Variants in ARHGEF10L observed in about 807,000 individuals in gnomAD.
ARHGEF10L encodes Rho guanine nucleotide exchange factor 10 like.
ARHGEF10L carries 69 observed loss-of-function variants against 141.2 expected under a neutral mutation model. The ratio of observed to expected loss-of-function variants is 0.49; its 90% CI spans 0.40 to 0.60. ARHGEF10L has a LOEUF of 0.60. ARHGEF10L is among the 20% of genes least tolerant of loss of function. The pLI is 0.00. For synonymous variants in ARHGEF10L, 711 were observed against 718.5 expected, an observed-to-expected ratio of 0.99 and a Z score of 0.17; for missense variants, 1,482 against 1,734.3, an observed-to-expected ratio of 0.85 and a Z score of 2.58.
At chr1:17,662,949 C>G (rs1342039540) in intron 25 of ARHGEF10L, among the ~76,000 whole-genome samples, 2 of 152,096 alleles carry the variant, frequency 1.3e-5, no homozygotes, top group Non-Finnish European at 2.9e-5. Flanking sequence ...CCTTCTAGTC[C>G]CCCGCCACTG....
At position 17,615,895 on chromosome 1, in the gene ARHGEF10L, C is replaced by A. The variant is rs2059778107; in HGVS notation, c.727-199C>A. 1.8e-6 allele frequency: 1 copy of A among 566,592 alleles called. No homozygotes were observed. The highest frequency in any genetic ancestry group is 3.2e-6 in the Non-Finnish European group (1 of 308,292). The allele number at this position is 566,592 out of a possible 1,614,324, so 35.1% of individuals were successfully genotyped here. ...AAAAATCGGTTACAGCCTCCTGTTG[C>A]CCCTAAAGAGGGAGATCCCCGGGCA... On this transcript the variant is annotated intron_variant, in intron 8 of 28. Transcript: ENST00000361221. This position sits in a 1 kb window ranked among gnomAD's most constrained non-coding sequence, Gnocchi z 4.7.
In ARHGEF10L at chr1:17,603,652, G is replaced by A; in HGVS notation, c.433+61G>A. On this transcript the variant is annotated intron_variant, in intron 6 of 28. Transcript: ENST00000361221. This position sits in a 1 kb window ranked among gnomAD's most constrained non-coding sequence, Gnocchi z 4.8. Reference sequence around the variant, plus strand: ...GGACAGGGGAGGGAGGCTGGGACTGGGGAGGGTTGTCTCTTTCCGTTTCCT... The same window carrying A: ...GGACAGGGGAGGGAGGCTGGGACTGAGGAGGGTTGTCTCTTTCCGTTTCCT... 1 of 1,453,162 alleles carries A rather than the reference G, an allele frequency of 6.9e-7. No individual in the cohort carries two copies. The highest frequency in any genetic ancestry group is 9.3e-7 in the Non-Finnish European group (1 of 1,070,510). The allele number at this position is 1,453,162 out of a possible 1,614,324, so 90.0% of individuals were successfully genotyped here.
At chr1:17,580,782 C>T (rs1027055791) in intron 2 of ARHGEF10L, 150 bp downstream of exon 2, 14 of 881,784 alleles carry the variant, frequency 1.6e-5, no homozygotes, top group Non-Finnish European at 2.2e-5. Context: ...CATCCTCTAT[C>T]TCACGTTCCT....
In ARHGEF10L at chr1:17,695,287, C is replaced by G; in HGVS notation, c.3307+7C>G. 1.3e-6 allele frequency: 2 copies of G among 1,568,278 alleles called. No individual in the cohort carries two copies. The highest frequency in any genetic ancestry group is 1.7e-6 in the Non-Finnish European group (2 of 1,159,578). ...GGCATCCCCAAGATCACAGGTGAGGCTTTGGGAGCTGGTGTTGGCAGGACC... is the reference window on the plus strand; with the variant it reads ...GGCATCCCCAAGATCACAGGTGAGGGTTTGGGAGCTGGTGTTGGCAGGACC... On this transcript the variant is annotated splice_region_variant and intron_variant, in intron 28 of 28. Transcript: ENST00000361221.
chr1:17,515,512 C>A, the ARHGEF10L span, among the ~76,000 whole-genome samples: 1 of 151,640 alleles, frequency 6.6e-6, no homozygotes, highest in Non-Finnish European at 1.5e-5. Context: ...GTTGGCCAGG[C>A]TGGTCTTGAA....
At chr1:17,664,362 C>G in intron 25 of ARHGEF10L, 85 bp from the exon 26 acceptor site, 1 of 1,464,794 alleles carries the variant, frequency 6.8e-7, no homozygotes, top group East Asian at 2.4e-5. Context: ...GGGGGCCCTG[C>G]TGAGCCCCCT....
At chr1:17,590,882 G>T (rs759380152) in intron 4 of ARHGEF10L, among the ~76,000 whole-genome samples, 4 of 152,216 alleles carry the variant, frequency 2.6e-5, no homozygotes, top group Non-Finnish European at 4.4e-5. Context: ...AGCTACTGGG[G>T]AGGCTGAGGC....
chr1:17,657,703 G>A (rs1040700827), intron 25 of ARHGEF10L, among the ~76,000 whole-genome samples: 2 of 152,190 alleles, frequency 1.3e-5, no homozygotes, highest in African/African-American at 4.8e-5. Flanking sequence ...GGGGAAGAGG[G>A]AGGGAAAAAA....
chr1:17,617,862 G>T (rs1033658526), intron 9 of ARHGEF10L, among the ~76,000 whole-genome samples: 1 of 152,200 alleles, frequency 6.6e-6, no homozygotes, highest in Non-Finnish European at 1.5e-5. Context: ...AAGTGGAGGC[G>T]TTTGGTGCCA....
At chr1:17,551,604 G>T (rs1000097771) in intron 1 of ARHGEF10L, among the ~76,000 whole-genome samples, 1 of 152,108 alleles carries the variant, frequency 6.6e-6, no homozygotes, top group Admixed American at 6.5e-5. Context: ...CTTTTTGTTT[G>T]GGGTAGAGAT....
At chr1:17,567,059 G>T (rs1353193211) in intron 1 of ARHGEF10L, among the ~76,000 whole-genome samples, 1 of 152,226 alleles carries the variant, frequency 6.6e-6, no homozygotes, top group African/African-American at 2.4e-5. Context: ...AGCAGATGGT[G>T]TCCCCGTGTC....
At chr1:17,518,258 A>G in the ARHGEF10L span, among the ~76,000 whole-genome samples, 1 of 152,332 alleles carries the variant, frequency 6.6e-6, no homozygotes, top group South Asian at 2.1e-4. Context: ...TCTGAGCAGA[A>G]AGTGGGGCTG....
At chr1:17,563,040 G>A (rs1211444734) in intron 1 of ARHGEF10L, among the ~76,000 whole-genome samples, 3 of 152,162 alleles carry the variant, frequency 2.0e-5, no homozygotes, top group African/African-American at 7.2e-5. Context: ...AGGATGAGGG[G>A]AGGGCTGGAT....
intron 26 of ARHGEF10L, among the ~76,000 whole-genome samples, chr1:17,684,494 A>C (rs758703187): frequency 7.2e-5 from 11 of 152,020 alleles, no homozygotes; most frequent in Non-Finnish European, 1.2e-4. Flanking sequence ...AGCCTCTTGC[A>C]CCTGGGCCTT....
chr1:17,633,601 C>T (rs1337310317), intron 16 of ARHGEF10L, among the ~76,000 whole-genome samples: 3 of 152,184 alleles, frequency 2.0e-5, no homozygotes, highest in Non-Finnish European at 4.4e-5. Flanking sequence ...ATCGGCCCGC[C>T]TCAGCCTCCC....
the ARHGEF10L span, among the ~76,000 whole-genome samples, chr1:17,519,373 G>T: frequency 7.2e-5 from 11 of 152,236 alleles, no homozygotes; most frequent in East Asian, 2.1e-3. Context: ...ACTTTGGGAG[G>T]CCTAGGCAGG....
rs200164520 is a variant in ARHGEF10L, at chr1:17,632,492, C to T, written c.1730+26C>T. ...GTAAGTGGGCCTGGGTTGGAGGGGG[C>T]AATCACCCCTCCCTGGAGACCCCAT... On this transcript the variant is annotated intron_variant, in intron 16 of 28. Coordinates refer to ENST00000361221, the MANE Select transcript of ARHGEF10L (RefSeq NM_018125.4). 8.9e-5 allele frequency: 144 copies of T among 1,613,264 alleles called. 1 individual carries two copies. The African/African-American group carries it at 1.5e-3, about 17-fold the overall frequency.
At chr1:17,580,074 G>A (rs1354260609) in intron 1 of ARHGEF10L, among the ~76,000 whole-genome samples, 2 of 152,268 alleles carry the variant, frequency 1.3e-5, no homozygotes, top group African/African-American at 2.4e-5. Flanking sequence ...CAGAGTCAGA[G>A]TGGCCTTCAG....
rs1040251125 is a variant in ARHGEF10L at position 17,623,742 on chromosome 1, T to A, written c.1200+567T>A. The stretch of plus-strand genomic sequence containing the variant: ...CTAGCTGAAGTCTGCGGACCCCAGA[T>A]GTTCATGGGGTGAGGGAAGGTCAAG... On this transcript the variant is annotated intron_variant, in intron 12 of 28. Coordinates refer to ENST00000361221, the MANE Select transcript of ARHGEF10L (RefSeq NM_018125.4). The surrounding 1 kb of genome is among the most constrained non-coding windows in gnomAD (Gnocchi z 4.7). 2.0e-5 allele frequency among the ~76,000 whole-genome samples: 3 copies of A among 152,174 alleles called. No individual in the cohort carries two copies. The highest frequency in any genetic ancestry group is 7.2e-5 in the African/African-American group (3 of 41,454).
Sources: allele counts gnomAD v4.1 joint callset (sites outside exome capture counted in the v4.1 genomes callset), GRCh38; gene constraint gnomAD v4.1.1; non-coding constraint Gnocchi (gnomAD v3.1); transcripts MANE v1.5; gene names NCBI Gene and HGNC (gene_info 2026-07-23, HGNC 2026-07-21).